EVI5: variants seen among roughly 807,000 people sequenced by gnomAD.
The protein encoded by EVI5 is ecotropic viral integration site 5 protein homolog.
Under a neutral mutation model 112.0 loss-of-function variants are expected in EVI5, and 73 were observed. That is an observed-to-expected ratio of 0.65 (90% CI 0.54 to 0.79). The LOEUF (loss-of-function observed/expected upper bound fraction) is 0.79, where lower values mean the gene tolerates loss of function less well. EVI5 is among the 30% of genes least tolerant of loss of function. The pLI is 0.00. For missense variants in EVI5, 900 were observed against 968.8 expected (o/e 0.93, Z 0.94); for synonymous variants, 305 against 319.9 (o/e 0.95, Z 0.50).
At chr1:92,728,018 C>CA (rs35805858) in intron 2 of EVI5, among the ~76,000 whole-genome samples, 133,090 of 148,134 alleles carry the variant, frequency 0.9, 59,878 homozygotes, top group East Asian at 0.97. Flanking sequence ...TAAAGATAAA[C>CA]AAAAAAAAAT....
chr1:92,716,975 C>CA (rs1390311562), intron 2 of EVI5, among the ~76,000 whole-genome samples: 2 of 152,034 alleles, frequency 1.3e-5, no homozygotes, highest in East Asian at 1.9e-4. Context: ...TCAGTAATAA[C>CA]AAACTTCTCC....
At chr1:92,684,710 C>A (rs1668208455) in intron 9 of EVI5, among the ~76,000 whole-genome samples, 5 of 151,772 alleles carry the variant, frequency 3.3e-5, no homozygotes, top group Admixed American at 3.3e-4. Flanking sequence ...GGAGGAAGAT[C>A]TACCAAGCAA....
chr1:92,620,445 A>AG (rs1654290305), intron 16 of EVI5, among the ~76,000 whole-genome samples: 1 of 151,522 alleles, frequency 6.6e-6, no homozygotes. Flanking sequence ...AAAAAAAAAA[A>AG]AGAGAGAAAA....
chr1:92,577,742 A>G (rs1190039078), intron 18 of EVI5, among the ~76,000 whole-genome samples: 1 of 152,166 alleles, frequency 6.6e-6, no homozygotes, highest in East Asian at 1.9e-4. Flanking sequence ...TCAAATATCC[A>G]CTCATTAAGC....
rs931460386 is a variant in EVI5, at chr1:92,630,862, G to C, written c.1528-4928C>G. 1.7e-3 allele frequency among the ~76,000 whole-genome samples: 266 copies of C among 152,242 alleles called. 1 individual carries two copies. Among genetic ancestry groups the C allele is most frequent in the African/African-American group, 5.8e-3 (242 of 41,544 alleles). On this transcript the variant is annotated intron_variant, in intron 14 of 19. Coordinates refer to ENST00000684568, the MANE Select transcript of EVI5 (RefSeq NM_001350197.2). Reference sequence around the variant, plus strand: ...ATTTTTGTATAAGGTGTAAGGAAGGGATCCAGTTTCAGCTTTCTATATATG... The same window carrying C: ...ATTTTTGTATAAGGTGTAAGGAAGGCATCCAGTTTCAGCTTTCTATATATG...
chr1:92,531,027 C>G (rs562568335), intron 19 of EVI5, among the ~76,000 whole-genome samples: 5 of 151,942 alleles, frequency 3.3e-5, no homozygotes, highest in Non-Finnish European at 7.4e-5. Flanking sequence ...TGCAATGAAG[C>G]TAAGAACCTT....
chr1:92,530,299 A>C (rs1455822378), intron 19 of EVI5, among the ~76,000 whole-genome samples: 1 of 152,136 alleles, frequency 6.6e-6, no homozygotes, highest in Non-Finnish European at 1.5e-5. Flanking sequence ...CAGGACTTAT[A>C]GATACAACCC....
intron 19 of EVI5, among the ~76,000 whole-genome samples, chr1:92,522,302 T>A (rs1379735558): frequency 1.3e-5 from 2 of 152,158 alleles, no homozygotes; most frequent in African/African-American, 4.8e-5. Flanking sequence ...ACACAGAACT[T>A]TGATTTCTAT....
intron 13 of EVI5, among the ~76,000 whole-genome samples, chr1:92,648,845 C>T (rs1305715172): frequency 1.3e-5 from 2 of 152,216 alleles, no homozygotes; most frequent in Non-Finnish European, 1.5e-5. Flanking sequence ...TATACACATA[C>T]TTGTTTGAGT....
At chr1:92,535,379 A>G (rs1253495353) in intron 19 of EVI5, among the ~76,000 whole-genome samples, 2 of 152,186 alleles carry the variant, frequency 1.3e-5, no homozygotes, top group Non-Finnish European at 2.9e-5. Flanking sequence ...AACTAGAAAT[A>G]CCATTTGACC....
intron 13 of EVI5, among the ~76,000 whole-genome samples, chr1:92,644,387 C>T (rs1215348276): frequency 6.6e-6 from 1 of 152,196 alleles, no homozygotes; most frequent in Non-Finnish European, 1.5e-5. Flanking sequence ...AATGTCATTC[C>T]TGACATTGGT....
chr1:92,791,317 G>A (rs1381209179), intron 1 of EVI5, among the ~76,000 whole-genome samples: 1 of 152,124 alleles, frequency 6.6e-6, no homozygotes, highest in Non-Finnish European at 1.5e-5. Flanking sequence ...AATTTCAAGT[G>A]TTCTTGCCAA....
chr1:92,590,128 C>T lies in EVI5; in HGVS notation c.2070+15179G>A, dbSNP rs983681925. 3.3e-5 allele frequency among the ~76,000 whole-genome samples: 5 copies of T among 152,226 alleles called. No individual in the cohort carries two copies. The East Asian group carries it at 7.7e-4, about 24-fold the overall frequency. ...AACCCCATCTGTACGTCACCATCAT[C>T]GAAGACCAAACGTAGATAAAACCAC... On this transcript the variant is annotated intron_variant, in intron 18 of 19. Transcript: ENST00000684568.
rs574909296 is a variant in EVI5 at position 92,771,780 on chromosome 1, A to G, written c.-82+13056T>C. Among the ~76,000 whole-genome samples the G allele has an allele frequency of 4.6e-5, 7 of 151,488 alleles. 1 individual carries two copies. In the South Asian group the frequency reaches 1.5e-3, roughly 32 times the overall value. The stretch of plus-strand genomic sequence containing the variant: ...GTGCCACCACGCCTGCCCGGAATAC[A>G]TCAATTTTCAAGTGTATTACTTTAC... On this transcript the variant is annotated intron_variant, in intron 1 of 19. Transcript: ENST00000684568.
intron 18 of EVI5, among the ~76,000 whole-genome samples, chr1:92,569,247 G>A (rs565858583): frequency 6.6e-6 from 1 of 152,136 alleles, no homozygotes; most frequent in African/African-American, 2.4e-5. Context: ...CATACAGATG[G>A]TCAATACATT....
chr1:92,715,267 C>G (rs1673450168), intron 2 of EVI5, among the ~76,000 whole-genome samples: 1 of 152,114 alleles, frequency 6.6e-6, no homozygotes. Context: ...CCTCGGCCTC[C>G]CAAAGTGCTG....
At chr1:92,563,906 C>T (rs559034705) in intron 18 of EVI5, among the ~76,000 whole-genome samples, 169 bp from the exon 19 acceptor site, 10 of 152,242 alleles carry the variant, frequency 6.6e-5, no homozygotes, top group African/African-American at 2.4e-4. Flanking sequence ...ATGAACTATG[C>T]TTTAATTAAT....
chr1:92,521,527 C>T (rs1660929982), intron 19 of EVI5, among the ~76,000 whole-genome samples: 1 of 152,032 alleles, frequency 6.6e-6, no homozygotes, highest in Non-Finnish European at 1.5e-5. Flanking sequence ...CCTGTCTCTA[C>T]TAAAAATACA....
rs543142314 is a variant in EVI5 at position 92,671,804 on chromosome 1, CT to C, written c.1158+5353del. ...TTACCTCAGTCCAAGCCACCATCAT[CT>C]TTTTTTTTTTTTTTTAAGACAGGAT... On this transcript the variant is annotated intron_variant, in intron 10 of 19. Coordinates refer to ENST00000684568, the MANE Select transcript of EVI5 (RefSeq NM_001350197.2). Among the ~76,000 whole-genome samples, 640 of 141,634 alleles carry C rather than the reference CT, an allele frequency of 4.5e-3. 3 individuals carry two copies. The highest frequency in any genetic ancestry group is 9.9e-3 in the African/African-American group (380 of 38,270). 92.9% of individuals were successfully genotyped at this position (141,634 alleles called of 152,430 possible).
Sources: gnomAD v4.1 joint callset for allele counts (sites outside exome capture counted in the v4.1 genomes callset) on GRCh38, gnomAD v4.1.1 for gene constraint, MANE v1.5 for transcripts, NCBI Gene and HGNC (gene_info 2026-07-23, HGNC 2026-07-21) for gene names.